The following NOVA1 variants were observed in gnomAD, a reference collection of about 807,000 sequenced individuals.
NOVA1 encodes the protein RNA-binding protein Nova-1.
In NOVA1, 7 loss-of-function variants were observed where a neutral mutation model predicts 38.0. The ratio of observed to expected loss-of-function variants is 0.18; its 90% confidence interval spans 0.10 to 0.35. The LOEUF (loss-of-function observed/expected upper bound fraction) is 0.35, where lower values mean the gene tolerates loss of function less well. Among genes scored for constraint, NOVA1 ranks in the 10% least tolerant of loss-of-function variants. NOVA1 has a pLI of 1.00. For synonymous variants in NOVA1, 270 were observed against 232.5 expected (o/e 1.16, Z -1.47); for missense variants, 460 against 616.0 (o/e 0.75, Z 2.68).
At chr14:26,488,858 A>G (rs1256022341) in intron 2 of NOVA1, among the ~76,000 whole-genome samples, 1 of 152,132 alleles carries the variant, frequency 6.6e-6, no homozygotes, top group African/African-American at 2.4e-5. Flanking sequence ...ATGGCACTTG[A>G]AATTCTTCTA....
chr14:26,488,693 C>A (rs1460527028), intron 2 of NOVA1, among the ~76,000 whole-genome samples: 1 of 152,062 alleles, frequency 6.6e-6, no homozygotes, highest in African/African-American at 2.4e-5. Context: ...TCCACAATTA[C>A]AGAAATATAA....
At position 26,597,507 on chromosome 14, in the gene NOVA1, CTTTTT is replaced by C. The variant is rs563401938; in HGVS notation, c.-76_-72del. ...GTTTTGGCTTTTTCTTTTCTTTTTT[CTTTTT>C]TTTTTTTTTTTTTTTTTGCGTTTGG... is the stretch of plus-strand genomic sequence containing the variant. On this transcript the variant is annotated 5_prime_UTR_variant, in exon 1 of 5. Coordinates refer to ENST00000539517, the MANE Select transcript of NOVA1 (RefSeq NM_002515.3). 729 of 781,602 alleles carry C rather than the reference CTTTTT, an allele frequency of 9.3e-4. No individual in the cohort carries two copies. Among genetic ancestry groups the C allele is most frequent in the Admixed American group, 3.1e-3 (14 of 4,468 alleles). 48.4% of individuals were successfully genotyped at this position (781,602 alleles called of 1,614,324 possible).
intron 4 of NOVA1, among the ~76,000 whole-genome samples, chr14:26,460,616 A>G (rs1883579041): frequency 6.6e-6 from 1 of 152,104 alleles, no homozygotes; most frequent in Non-Finnish European, 1.5e-5. Context: ...AACAAAAATG[A>G]TCAATTTATT....
chr14:26,597,136 A>C, intron 1 of NOVA1, 165 bp downstream of exon 1: 3 of 706,558 alleles, frequency 4.2e-6, no homozygotes, highest in Non-Finnish European at 3.8e-6. Context: ...GGGCAGGTGC[A>C]GGGGAGGGGG....
chr14:26,518,221 A>G (rs1888619305), intron 2 of NOVA1, among the ~76,000 whole-genome samples: 1 of 152,100 alleles, frequency 6.6e-6, no homozygotes, highest in African/African-American at 2.4e-5. Flanking sequence ...CTACTTCTGA[A>G]AAAGTATTTC....
At chr14:26,538,460 T>C (rs959710426) in intron 2 of NOVA1, among the ~76,000 whole-genome samples, 1 of 152,198 alleles carries the variant, frequency 6.6e-6, no homozygotes, top group Non-Finnish European at 1.5e-5. Context: ...ATTTTTACCA[T>C]GGAAAAGTTT....
At chr14:26,469,564 T>C (rs1217436870) in intron 4 of NOVA1, among the ~76,000 whole-genome samples, 1 of 152,220 alleles carries the variant, frequency 6.6e-6, no homozygotes, top group African/African-American at 2.4e-5. Flanking sequence ...TCATTTCTTA[T>C]GTCAATCCTA....
intron 3 of NOVA1, chr14:26,479,699 T>TA (rs1885282947): frequency 2.6e-6 from 1 of 388,842 alleles, no homozygotes; most frequent in African/African-American, 2.1e-5. Context: ...TCCTATAAAT[T>TA]AAATTTGTGT....
At chr14:26,519,697 T>C (rs954093231) in intron 2 of NOVA1, 2 of 152,120 alleles carry the variant, frequency 1.3e-5, no homozygotes, top group Non-Finnish European at 2.9e-5. Flanking sequence ...TTATAATGGA[T>C]TTGCATGACA....
At chr14:26,500,129 T>C (rs1807536482) in intron 2 of NOVA1, among the ~76,000 whole-genome samples, 3 of 152,076 alleles carry the variant, frequency 2.0e-5, no homozygotes, top group Non-Finnish European at 4.4e-5. Flanking sequence ...CTAGATTATG[T>C]GTTCTTTCTG....
chr14:26,492,979 C>A (rs1886465144), intron 2 of NOVA1, among the ~76,000 whole-genome samples: 1 of 151,938 alleles, frequency 6.6e-6, no homozygotes, highest in African/African-American at 2.4e-5. Context: ...ATAGCTTCAG[C>A]ATACCACAAC....
chr14:26,575,098 T>C (rs1892753587), intron 2 of NOVA1, among the ~76,000 whole-genome samples: 1 of 152,236 alleles, frequency 6.6e-6, no homozygotes, highest in Admixed American at 6.5e-5. Context: ...TTTTAACATG[T>C]AATAACTGCA....
At chr14:26,474,694 G>T (rs1360305741) in intron 3 of NOVA1, among the ~76,000 whole-genome samples, 1 of 151,834 alleles carries the variant, frequency 6.6e-6, no homozygotes, top group Non-Finnish European at 1.5e-5. Flanking sequence ...ATCATAATCT[G>T]TTAAGAGGTT....
At chr14:26,589,509 T>G (rs1255797204) in intron 2 of NOVA1, among the ~76,000 whole-genome samples, 2 of 151,788 alleles carry the variant, frequency 1.3e-5, no homozygotes, top group African/African-American at 4.8e-5. Context: ...CCTGTCCTGT[T>G]TGTTGGAACA....
At chr14:26,455,215 T>G (rs1414607971) in intron 4 of NOVA1, among the ~76,000 whole-genome samples, 1 of 152,138 alleles carries the variant, frequency 6.6e-6, no homozygotes, top group Non-Finnish European at 1.5e-5. Flanking sequence ...TATTTTTACC[T>G]TTCACCCATT....
intron 2 of NOVA1, among the ~76,000 whole-genome samples, chr14:26,574,019 T>C (rs1366722295): frequency 1.4e-5 from 2 of 143,982 alleles, no homozygotes; most frequent in Non-Finnish European, 3.0e-5. Flanking sequence ...AAGCAAAGAT[T>C]ACACTTTTTT....
chr14:26,538,642 C>G (rs1425129191), intron 2 of NOVA1, among the ~76,000 whole-genome samples: 1 of 152,116 alleles, frequency 6.6e-6, no homozygotes, highest in Non-Finnish European at 1.5e-5. Context: ...TAATTTCTAG[C>G]TGGGACCACA....
At chr14:26,536,422 T>C (rs962509023) in intron 2 of NOVA1, among the ~76,000 whole-genome samples, 3 of 152,120 alleles carry the variant, frequency 2.0e-5, no homozygotes, top group Non-Finnish European at 4.4e-5. Flanking sequence ...CCCTTGCTAA[T>C]GATGCGACTT....
chr14:26,567,963 T>A (rs1892234222), intron 2 of NOVA1, among the ~76,000 whole-genome samples: 1 of 152,190 alleles, frequency 6.6e-6, no homozygotes, highest in African/African-American at 2.4e-5. Flanking sequence ...TGATATTTAC[T>A]GTGTGATACC....
Sources: allele counts gnomAD v4.1 joint callset (sites outside exome capture counted in the v4.1 genomes callset), GRCh38; gene constraint gnomAD v4.1.1; transcripts MANE v1.5; gene names NCBI Gene and HGNC (gene_info 2026-07-23, HGNC 2026-07-21).